CAMSAP2: variants seen among roughly 807,000 people sequenced by gnomAD.
CAMSAP2 encodes calmodulin regulated spectrin associated protein family member 2, also known as calmodulin-regulated spectrin-associated protein 2.
CAMSAP2 carries 26 observed loss-of-function variants against 146.1 expected under a neutral mutation model. The observed-to-expected ratio is 0.18, with a 90% confidence interval of 0.13 to 0.25. CAMSAP2 has a LOEUF of 0.25. Among genes scored for constraint, CAMSAP2 ranks in the 10% least tolerant of loss-of-function variants. The pLI, the probability that CAMSAP2 is intolerant of heterozygous loss-of-function variation, is 1.00. For synonymous variants in CAMSAP2, 499 were observed against 596.6 expected (o/e 0.84, Z 2.38); for missense variants, 1,381 against 1,759.3 (o/e 0.78, Z 3.85).
chr1:200,848,040 T>C lies in CAMSAP2; in HGVS notation c.1271T>C (p.Val424Ala). 2 of 1,537,150 alleles carry C rather than the reference T, an allele frequency of 1.3e-6. No homozygotes were observed. Among genetic ancestry groups the C allele is most frequent in the Non-Finnish European group, 1.7e-6 (2 of 1,145,842 alleles). The change falls in exon 11 of 17, where the codon GTG (valine) becomes GCG (alanine). Residue 424 changes from valine to alanine, a missense_variant. Around this residue, in one of 4 missense-constraint regions of CAMSAP2, gnomAD observed 447 missense variants for 462.2 expected, o/e 0.97. Coordinates refer to ENST00000358823, the MANE Select transcript of CAMSAP2 (RefSeq NM_203459.4). ...CTTTAACTTTTTTTTAGATCATCAG[T>C]GCATGGCGTATCATTTGATATTTCT... ...GTWPKEKRSS[V>A]HGVSFDISFD...
At chr1:200,855,666 G>A (rs1326691658) in intron 14 of CAMSAP2, among the ~76,000 whole-genome samples, 1 of 151,324 alleles carries the variant, frequency 6.6e-6, no homozygotes, top group African/African-American at 2.4e-5. Context: ...ACACGATCTC[G>A]GCTCACTGCA....
At chr1:200,785,076 A>C (rs1665546961) in intron 2 of CAMSAP2, among the ~76,000 whole-genome samples, 1 of 152,168 alleles carries the variant, frequency 6.6e-6, no homozygotes, top group Admixed American at 6.5e-5. Context: ...TCAAATATTA[A>C]ACTGGTCTTG....
intron 6 of CAMSAP2, among the ~76,000 whole-genome samples, chr1:200,834,397 T>C (rs1277974072): frequency 1.3e-5 from 2 of 152,106 alleles, no homozygotes; most frequent in Admixed American, 6.6e-5. Flanking sequence ...TCATCACGAA[T>C]AGATTTTTGA....
intron 4 of CAMSAP2, among the ~76,000 whole-genome samples, chr1:200,816,602 AAAAAT>A (rs1666494526): frequency 9.0e-6 from 1 of 111,086 alleles, no homozygotes; most frequent in Non-Finnish European, 2.0e-5. Flanking sequence ...CTCAAAAAAA[AAAAAT>A]ATATATATAT....
intron 15 of CAMSAP2, among the ~76,000 whole-genome samples, chr1:200,856,880 G>C (rs926143335): frequency 6.6e-6 from 1 of 152,144 alleles, no homozygotes; most frequent in East Asian, 1.9e-4. Flanking sequence ...GGATTTGACA[G>C]TATTTCCATG....
chr1:200,848,969 A>G lies in CAMSAP2; in HGVS notation c.2200A>G (p.Thr734Ala), dbSNP rs1667540048. ...TGCTTGGGCACAAATTCCAGAAGAA[A>G]CAGGGCTTCCACAGGGACGGGACAC... ...VVAWAQIPEE[T>A]GLPQGRDTTQ... Residue 734 changes from threonine (T) to alanine (A), a missense_variant, in exon 11 of 17, where the codon ACA becomes GCA. This residue lies in a region of CAMSAP2 where 560 missense variants were observed against 715.9 expected (regional missense o/e 0.78). Coordinates refer to ENST00000358823, the MANE Select transcript of CAMSAP2 (RefSeq NM_203459.4). The G allele has an allele frequency of 6.2e-7, 1 of 1,614,064 alleles. No homozygotes were observed. Among genetic ancestry groups the G allele is most frequent in the Admixed American group, 1.7e-5 (1 of 60,000 alleles).
chr1:200,798,741 G>A (rs1395181857), intron 2 of CAMSAP2, among the ~76,000 whole-genome samples: 1 of 141,702 alleles, frequency 7.1e-6, no homozygotes, highest in Non-Finnish European at 1.5e-5. Flanking sequence ...TCCCTGTCTT[G>A]TGCCAGTTTT....
chr1:200,739,215 C>A lies in CAMSAP2; in HGVS notation c.-613C>A, dbSNP rs972081450. ...GAGCCGCAGTGATTTTGACGTTTTC[C>A]GCTGCTGCGTCTCCGGCGGGCAGGG... On this transcript the variant is annotated 5_prime_UTR_variant, in exon 1 of 17. Transcript: ENST00000358823. The surrounding 1 kb of genome is among the most constrained non-coding windows in gnomAD (Gnocchi z 4.8). Among the ~76,000 whole-genome samples, 6 of 152,096 alleles carry A rather than the reference C, an allele frequency of 3.9e-5. No homozygotes were observed. Among genetic ancestry groups the A allele is most frequent in the Non-Finnish European group, 8.8e-5 (6 of 67,970 alleles).
intron 2 of CAMSAP2, among the ~76,000 whole-genome samples, chr1:200,797,064 C>T (rs1390942668): frequency 6.6e-6 from 1 of 152,132 alleles, no homozygotes; most frequent in Non-Finnish European, 1.5e-5. Flanking sequence ...TTAATCCAGT[C>T]TATCATTGTT....
Position 200,760,949 on chromosome 1 carries a change from G to A in CAMSAP2, c.250G>A (p.Ala84Thr). 1 of 1,614,138 alleles carries A rather than the reference G, an allele frequency of 6.2e-7. No individual in the cohort carries two copies. ...LLLSAELYCR[A>T]GSLILKSDAA... ...TCTATCGGCTGAACTATACTGTCGT[G>A]CTGGGAGTCTCATTCTCAAGAGTGA... Residue 84 changes from alanine (A) to threonine (T), a missense_variant, in exon 2 of 17, where the codon GCT becomes ACT. By Grantham distance (58) the Ala-to-Thr change is moderately conservative. Coordinates refer to ENST00000358823, the MANE Select transcript of CAMSAP2 (RefSeq NM_203459.4).
At chr1:200,830,858 A>C (rs897495726) in intron 4 of CAMSAP2, among the ~76,000 whole-genome samples, 4 of 152,234 alleles carry the variant, frequency 2.6e-5, no homozygotes, top group Non-Finnish European at 5.9e-5. Context: ...CTTTAAGAGG[A>C]AAACATGTTC....
chr1:200,807,548 A>G lies in CAMSAP2; in HGVS notation c.561+11A>G. 1.3e-6 allele frequency: 2 copies of G among 1,562,912 alleles called. No individual in the cohort carries two copies. Among genetic ancestry groups the G allele is most frequent in the Non-Finnish European group, 1.7e-6 (2 of 1,152,334 alleles). On this transcript the variant is annotated intron_variant, in intron 3 of 16. Coordinates refer to ENST00000358823, the MANE Select transcript of CAMSAP2 (RefSeq NM_203459.4). ...TACTGGATAAATAAGGTAGGATTATACTCACTTGAGTAAATCGCATCTCAT... is the reference window on the plus strand; with the variant it reads ...TACTGGATAAATAAGGTAGGATTATGCTCACTTGAGTAAATCGCATCTCAT...
chr1:200,743,461 G>C (rs542918421), intron 1 of CAMSAP2, among the ~76,000 whole-genome samples: 2 of 152,136 alleles, frequency 1.3e-5, no homozygotes, highest in African/African-American at 4.8e-5. Flanking sequence ...TGAGAGCAGT[G>C]GGTAGCATTG....
At chr1:200,829,882 G>A (rs1037840522) in intron 4 of CAMSAP2, among the ~76,000 whole-genome samples, 1 of 151,934 alleles carries the variant, frequency 6.6e-6, no homozygotes, top group Non-Finnish European at 1.5e-5. Context: ...AGCCATGATT[G>A]TGCCACTGCA....
intron 1 of CAMSAP2, among the ~76,000 whole-genome samples, chr1:200,746,170 A>G (rs562151944): frequency 2.0e-5 from 3 of 152,324 alleles, no homozygotes; most frequent in East Asian, 3.9e-4. Flanking sequence ...TTTTACCACA[A>G]TTTTTAAAAA....
chr1:200,848,022 T>G lies in CAMSAP2; in HGVS notation c.1263-10T>G, dbSNP rs1362868822. On this transcript the variant is annotated splice_polypyrimidine_tract_variant and intron_variant, in intron 10 of 16. Coordinates refer to ENST00000358823, the MANE Select transcript of CAMSAP2 (RefSeq NM_203459.4). ...TTTTTAAAGGATTTTTCTCTTTAAC[T>G]TTTTTTTAGATCATCAGTGCATGGC... 1.0e-5 allele frequency: 15 copies of G among 1,444,874 alleles called. No homozygotes were observed. The highest frequency in any genetic ancestry group is 1.4e-5 in the Non-Finnish European group (15 of 1,081,572). The allele number at this position is 1,444,874 out of a possible 1,614,324, so 89.5% of individuals were successfully genotyped here.
In CAMSAP2 at chr1:200,814,956, A is replaced by G. The variant is rs540336795; in HGVS notation, c.562-605A>G. The stretch of plus-strand genomic sequence containing the variant: ...CTTCTCAAGAAATAATTTATGCACC[A>G]TGTAGACTTTTTTTTTTTTAAACTG... On this transcript the variant is annotated intron_variant, in intron 3 of 16. Transcript: ENST00000358823. Among the ~76,000 whole-genome samples, 18 of 152,154 alleles carry G rather than the reference A, an allele frequency of 1.2e-4. No homozygotes were observed. The East Asian group carries it at 3.5e-3, about 29-fold the overall frequency.
At chr1:200,751,659 G>A (rs1304047942) in intron 1 of CAMSAP2, among the ~76,000 whole-genome samples, 1 of 151,982 alleles carries the variant, frequency 6.6e-6, no homozygotes, top group East Asian at 1.9e-4. Context: ...CAAACCCTAG[G>A]AGCAATGGAA....
At chr1:200,756,372 G>A (rs1664649147) in intron 1 of CAMSAP2, among the ~76,000 whole-genome samples, 3 of 151,938 alleles carry the variant, frequency 2.0e-5, no homozygotes, top group African/African-American at 4.8e-5. Flanking sequence ...AGAATTGCCC[G>A]AACCCAGGAG....
Sources: gnomAD v4.1 joint callset for allele counts (sites outside exome capture counted in the v4.1 genomes callset) on GRCh38, gnomAD v4.1.1 for gene constraint, gnomAD v4.1.1 regional missense constraint, Gnocchi (gnomAD v3.1) non-coding constraint, MANE v1.5 for transcripts, NCBI Gene and HGNC (gene_info 2026-07-23, HGNC 2026-07-21) for gene names.